DST: variants seen among roughly 807,000 people sequenced by gnomAD.
DST encodes bullous pemphigoid antigen.
DST carries 253 observed loss-of-function variants against 875.2 expected under a neutral mutation model. The observed-to-expected ratio is 0.29, with a 90% CI of 0.26 to 0.32. The LOEUF is 0.32. Among genes scored for constraint, DST ranks in the 10% least tolerant of loss-of-function variants. DST has a pLI of 1.00. For missense variants in DST, 8,287 were observed against 9,111.6 expected (o/e 0.91, Z 3.68); for synonymous variants, 3,124 against 3,197.1 (o/e 0.98, Z 0.77).
intron 50 of DST, among the ~76,000 whole-genome samples, chr6:56,578,429 G>A (rs1349670215): frequency 9.2e-5 from 14 of 151,892 alleles, no homozygotes; most frequent in Non-Finnish European, 4.4e-5. Flanking sequence ...TTAAACCCAC[G>A]TTCCCACTAT....
intron 62 of DST, among the ~76,000 whole-genome samples, chr6:56,535,763 T>C (rs2096984505): frequency 6.6e-6 from 1 of 152,176 alleles, no homozygotes; most frequent in African/African-American, 2.4e-5. Context: ...AAGTATCCAA[T>C]TAAGTTCTGC....
chr6:56,715,517 A>C (rs192085087), intron 5 of DST, among the ~76,000 whole-genome samples: 187 of 152,276 alleles, frequency 1.2e-3, no homozygotes, highest in African/African-American at 4.3e-3. Context: ...CCCACTCCTC[A>C]CCAAGCGCAA....
At chr6:56,737,892 T>A (rs1384799152) in intron 4 of DST, among the ~76,000 whole-genome samples, 1 of 152,154 alleles carries the variant, frequency 6.6e-6, no homozygotes, top group Non-Finnish European at 1.5e-5. Context: ...GTGCTTACAA[T>A]AGGAAAATAA....
At chr6:56,884,117 T>A (rs926240696) in intron 3 of DST, among the ~76,000 whole-genome samples, 1 of 151,220 alleles carries the variant, frequency 6.6e-6, no homozygotes, top group African/African-American at 2.5e-5. Context: ...GGTGGCAGAG[T>A]GAGAACTTAT....
At position 56,501,249 on chromosome 6, in the gene DST, G is replaced by A; in HGVS notation, c.19741-14C>T. 1 of 1,563,720 alleles carries A rather than the reference G, an allele frequency of 6.4e-7. No individual in the cohort carries two copies. Among genetic ancestry groups the A allele is most frequent in the Non-Finnish European group, 8.6e-7 (1 of 1,163,150 alleles). The stretch of plus-strand genomic sequence containing the variant: ...CTCCAGTTTATGCTACAGAAAAAGT[G>A]GAAAGAAAATCCATTTATAAATTTG... On this transcript the variant is annotated splice_polypyrimidine_tract_variant and intron_variant, in intron 79 of 103. Coordinates refer to ENST00000680361, the MANE Select transcript of DST (RefSeq NM_001374736.1).
rs372804251 is a variant in DST, at chr6:56,627,180, A to C, written c.4722+24T>G. ...ATCACAAACCTGAATATTAAATTTT[A>C]CTAAAGTTAATGAATCTTCCTACCT... On this transcript the variant is annotated intron_variant, in intron 34 of 103. Transcript: ENST00000680361. The C allele has an allele frequency of 2.0e-3, 2,992 of 1,530,012 alleles. 15 individuals are homozygous for C. Among genetic ancestry groups the C allele is most frequent in the South Asian group, 7.9e-3 (703 of 89,432 alleles). The allele number at this position is 1,530,012 out of a possible 1,614,324, so 94.8% of individuals were successfully genotyped here. A position where few individuals can be genotyped will look rare whatever the true frequency, so the allele number is the denominator to read the frequency against.
At chr6:56,905,369 G>A (rs1000784633) in intron 2 of DST, among the ~76,000 whole-genome samples, 3 of 152,192 alleles carry the variant, frequency 2.0e-5, no homozygotes, top group South Asian at 2.1e-4. Context: ...TCATTCAGCT[G>A]GCGTAACGGA....
At chr6:56,733,545 C>T (rs533378012) in intron 5 of DST, among the ~76,000 whole-genome samples, 253 of 152,240 alleles carry the variant, frequency 1.7e-3, no homozygotes, top group Admixed American at 3.5e-3. Context: ...GGCATTACCA[C>T]CATTTTACAG....
intron 2 of DST, among the ~76,000 whole-genome samples, chr6:56,908,408 T>C (rs1797396616): frequency 6.6e-6 from 1 of 152,122 alleles, no homozygotes; most frequent in Non-Finnish European, 1.5e-5. Flanking sequence ...TAAAATATGG[T>C]TCAATTATGA....
intron 61 of DST, among the ~76,000 whole-genome samples, chr6:56,550,730 T>C (rs935131958): frequency 1.3e-5 from 2 of 152,230 alleles, no homozygotes; most frequent in African/African-American, 4.8e-5. Flanking sequence ...TTTCACAATT[T>C]AACCATTTAA....
intron 4 of DST, among the ~76,000 whole-genome samples, chr6:56,758,011 A>G (rs2099608265): frequency 6.6e-6 from 1 of 152,244 alleles, no homozygotes; most frequent in Non-Finnish European, 1.5e-5. Context: ...GCTCTTTGAA[A>G]TGGAAAATTT....
chr6:56,936,466 G>A (rs1813047371), intron 2 of DST, among the ~76,000 whole-genome samples: 1 of 152,184 alleles, frequency 6.6e-6, no homozygotes, highest in Non-Finnish European at 1.5e-5. Flanking sequence ...GGGTACTGAT[G>A]TTCAGATACA....
intron 49 of DST, among the ~76,000 whole-genome samples, 191 bp downstream of exon 49, chr6:56,591,981 CAAAAAAAAAA>C (rs34682914): frequency 3.1e-5 from 2 of 63,942 alleles, no homozygotes; most frequent in Non-Finnish European, 2.8e-5. Context: ...GACTCCATCT[CAAAAAAAAAA>C]AAAAAAAAAA....
intron 2 of DST, among the ~76,000 whole-genome samples, chr6:56,912,280 C>G (rs1799102558): frequency 6.6e-6 from 1 of 152,176 alleles, no homozygotes. Context: ...ATTCCCCAGT[C>G]TCTAATCCTG....
At position 56,503,959 on chromosome 6, in the gene DST, T is replaced by C. The variant is rs368400891; in HGVS notation, c.19566+38A>G. On this transcript the variant is annotated intron_variant, in intron 78 of 103. Transcript: ENST00000680361. ...ATTATGTGAATCAAGGACTTAAAAC[T>C]GCAAGGGAGTCTTCGATAAATTAGC... 1.1e-4 allele frequency: 158 copies of C among 1,432,928 alleles called. No individual in the cohort carries two copies. The East Asian group carries it at 3.1e-3, about 28-fold the overall frequency. The allele number at this position is 1,432,928 out of a possible 1,614,324, so 88.8% of individuals were successfully genotyped here.
intron 87 of DST, among the ~76,000 whole-genome samples, chr6:56,486,362 C>CAA (rs61164880): frequency 0.037 from 1,220 of 33,030 alleles, 53 homozygotes; most frequent in African/African-American, 0.065. Context: ...GACTCCGTCT[C>CAA]AAAAAAAAAA....
intron 4 of DST, among the ~76,000 whole-genome samples, chr6:56,752,884 C>T (rs931090638): frequency 3.9e-5 from 6 of 152,026 alleles, no homozygotes; most frequent in East Asian, 1.9e-4. Context: ...CTCTGCCTCC[C>T]GGGTTCAAGC....
At chr6:56,541,391 T>C (rs764152967) in intron 61 of DST, 2 of 152,618 alleles carry the variant, frequency 1.3e-5, no homozygotes, top group Non-Finnish European at 2.9e-5. Context: ...ATCTGTAAAA[T>C]GCCTGGAAGA....
intron 9 of DST, among the ~76,000 whole-genome samples, chr6:56,677,448 C>T (rs922262876): frequency 1.3e-5 from 2 of 152,166 alleles, no homozygotes; most frequent in Admixed American, 1.3e-4. Context: ...TCCCAAACAG[C>T]TAGGACCACC....
Sources: allele counts gnomAD v4.1 joint callset (sites outside exome capture counted in the v4.1 genomes callset), GRCh38; gene constraint gnomAD v4.1.1; transcripts MANE v1.5; gene names NCBI Gene and HGNC (gene_info 2026-07-23, HGNC 2026-07-21).